NFIB: variants seen among roughly 807,000 people sequenced by gnomAD.
The protein encoded by NFIB is nuclear factor 1 B-type.
NFIB carries 11 observed loss-of-function variants against 61.5 expected under a neutral mutation model. The ratio of observed to expected loss-of-function variants is 0.18; its 90% CI spans 0.11 to 0.30. The LOEUF (loss-of-function observed/expected upper bound fraction) is 0.30. Among genes scored for constraint, NFIB ranks in the 10% least tolerant of loss-of-function variants. The probability of loss-of-function intolerance (pLI) is 1.00; values close to 1 mark genes in which losing one functional copy is unlikely to be tolerated. For synonymous variants in NFIB, 260 were observed against 216.5 expected (o/e 1.20, Z -1.76); for missense variants, 471 against 608.9 (o/e 0.77, Z 2.38).
chr9:14,461,448 T>C, the NFIB span, among the ~76,000 whole-genome samples: 4 of 152,194 alleles, frequency 2.6e-5, no homozygotes, highest in African/African-American at 4.8e-5. Flanking sequence ...CTGCCAAGCC[T>C]CATCTTACAA....
intron 2 of NFIB, among the ~76,000 whole-genome samples, chr9:14,295,430 T>A (rs1459945291): frequency 6.6e-6 from 1 of 151,762 alleles, no homozygotes; most frequent in African/African-American, 2.4e-5. Flanking sequence ...ATGGAGATCA[T>A]CCTGGCTAAC....
In NFIB at chr9:14,382,345, T is replaced by TGAGAGA. The variant is rs111564800; in HGVS notation, c.108+16173_108+16178dup. ...ACGGCACCAGGGAGGCAGAAAGTGA[T>TGAGAGA]GAGAGAGAGAGAGAGAGAGGGAGAG... is the stretch of plus-strand genomic sequence containing the variant. On this transcript the variant is annotated intron_variant, in intron 1 of 8. Coordinates refer to the NFIB transcript ENST00000380934. 3.0e-3 allele frequency among the ~76,000 whole-genome samples: 448 copies of TGAGAGA among 149,412 alleles called. 3 individuals are homozygous for TGAGAGA. The highest frequency in any genetic ancestry group is 9.9e-3 in the African/African-American group (404 of 40,730).
intron 2 of NFIB, among the ~76,000 whole-genome samples, chr9:14,251,843 G>T (rs959461829): frequency 6.6e-6 from 1 of 151,512 alleles, no homozygotes; most frequent in Non-Finnish European, 1.5e-5. Context: ...CTTTTATAAA[G>T]AACAAGCTGG....
chr9:14,356,391 G>A (rs183073574), intron 1 of NFIB, among the ~76,000 whole-genome samples: 1 of 152,188 alleles, frequency 6.6e-6, no homozygotes, highest in Admixed American at 6.5e-5. Context: ...AGAATATCTT[G>A]AGAAAAGGCC....
intron 1 of NFIB, among the ~76,000 whole-genome samples, chr9:14,354,780 CTG>C (rs67877825): frequency 0.019 from 2,834 of 145,618 alleles, 55 homozygotes; most frequent in African/African-American, 0.055. Context: ...AATGGGTACT[CTG>C]TGTGTGTGTG....
upstream of NFIB, among the ~76,000 whole-genome samples, chr9:14,318,610 T>G (rs1019906863): frequency 7.1e-6 from 1 of 140,818 alleles, no homozygotes; most frequent in African/African-American, 2.7e-5. Context: ...ATTTAAAAAC[T>G]AAATGCAAAA....
rs939427882 is a variant in NFIB at position 14,314,109 on chromosome 9, T to C, written c.-598A>G. 5.0e-6 allele frequency: 5 copies of C among 1,001,552 alleles called. No homozygotes were observed. Among genetic ancestry groups the C allele is most frequent in the Admixed American group, 6.2e-5 (1 of 16,024 alleles). 62.0% of individuals were successfully genotyped at this position (1,001,552 alleles called of 1,614,324 possible). A position where few individuals can be genotyped will look rare whatever the true frequency, so the allele number is the denominator to read the frequency against. ...GCGAAACTTTGCCGCGAGCCGACCA[T>C]GTGTGTGCGCGAGGGGCAGCGTGAG... On this transcript the variant is annotated 5_prime_UTR_variant, in exon 1 of 11. It removes an upstream start codon present in the reference 5' UTR. Transcript: ENST00000380953.
At chr9:14,151,617 TG>T (rs1279408648) in intron 4 of NFIB, among the ~76,000 whole-genome samples, 5 of 152,156 alleles carry the variant, frequency 3.3e-5, no homozygotes, top group East Asian at 3.9e-4. Context: ...AAGCCATAGC[TG>T]GCACTGGACT....
intron 1 of NFIB, among the ~76,000 whole-genome samples, chr9:14,352,209 A>G (rs960118477): frequency 6.6e-6 from 1 of 152,198 alleles, no homozygotes; most frequent in Admixed American, 6.5e-5. Context: ...GCATAAAATG[A>G]AAGTAAAAGT....
chr9:14,335,961 G>A (rs2060881593), intron 1 of NFIB, among the ~76,000 whole-genome samples: 1 of 152,068 alleles, frequency 6.6e-6, no homozygotes, highest in African/African-American at 2.4e-5. Context: ...TCAAACCTTT[G>A]TCCAAAGTCA....
exon 1 of NFIB, chr9:14,398,648 CGACAA>C (rs2061711998): frequency 6.7e-7 from 1 of 1,501,348 alleles, no homozygotes; most frequent in Admixed American, 2.1e-5. Flanking sequence ...AACGGATTCC[CGACAA>C]GAAGCCTGTA....
the NFIB span, among the ~76,000 whole-genome samples, chr9:14,498,949 G>A: frequency 6.6e-6 from 1 of 152,016 alleles, no homozygotes; most frequent in East Asian, 1.9e-4. Flanking sequence ...TGCCTTCAGA[G>A]CTTTACAGTT....
At chr9:14,469,286 T>G in the NFIB span, among the ~76,000 whole-genome samples, 1 of 152,212 alleles carries the variant, frequency 6.6e-6, no homozygotes, top group African/African-American at 2.4e-5. Context: ...GAAAAGTTAC[T>G]GTGAAGATGA....
the NFIB span, among the ~76,000 whole-genome samples, chr9:14,408,231 T>A: frequency 6.6e-6 from 1 of 152,184 alleles, no homozygotes; most frequent in African/African-American, 2.4e-5. Flanking sequence ...AACTGGAAGA[T>A]CATTAAGAGT....
chr9:14,420,445 C>CAAAAAAAAAAAAAAAAAAAA, the NFIB span, among the ~76,000 whole-genome samples: 92 of 42,420 alleles, frequency 2.2e-3, 5 homozygotes, highest in African/African-American at 3.9e-3. Flanking sequence ...GACTCCGTCT[C>CAAAAAAAAAAAAAAAAAAAA]AAAAAAAAAA....
intron 1 of NFIB, among the ~76,000 whole-genome samples, chr9:14,329,920 A>G (rs1226513916): frequency 1.3e-5 from 2 of 151,762 alleles, no homozygotes; most frequent in African/African-American, 2.4e-5. Flanking sequence ...TCAGGAGATC[A>G]AGACCATCCT....
rs952424812 is a variant in NFIB at position 14,087,641 on chromosome 9, G to A, written c.*668C>T. 2 of 217,196 alleles carry A rather than the reference G, an allele frequency of 9.2e-6. No homozygotes were observed. The highest frequency in any genetic ancestry group is 1.8e-5 in the Non-Finnish European group (2 of 108,202). 13.5% of individuals were successfully genotyped at this position (217,196 alleles called of 1,614,324 possible). A position where few individuals can be genotyped will look rare whatever the true frequency, so the allele number is the denominator to read the frequency against. ...ACTGGGTTACACACTGGAAAAGGCT[G>A]GGTTAAGGGCCGAAATTTAATAAAT... On this transcript the variant is annotated 3_prime_UTR_variant, in exon 11 of 11. Transcript: ENST00000380953.
At chr9:14,196,099 G>C (rs10810108) in intron 2 of NFIB, among the ~76,000 whole-genome samples, 59,309 of 151,696 alleles carry the variant, frequency 0.39, 14,523 homozygotes, top group Non-Finnish European at 0.55. Context: ...TGTTCACGCT[G>C]GTTGAACTTA....
At chr9:14,285,413 C>T (rs1463934696) in intron 2 of NFIB, among the ~76,000 whole-genome samples, 1 of 152,164 alleles carries the variant, frequency 6.6e-6, no homozygotes, top group Non-Finnish European at 1.5e-5. Flanking sequence ...TGAGCCATCG[C>T]GCCCAGTCCT....
Sources: allele counts gnomAD v4.1 joint callset (sites outside exome capture counted in the v4.1 genomes callset), GRCh38; gene constraint gnomAD v4.1.1; transcripts MANE v1.5; gene names NCBI Gene and HGNC (gene_info 2026-07-23, HGNC 2026-07-21).